SYNE1: variants seen among roughly 807,000 people sequenced by gnomAD.
SYNE1 encodes spectrin repeat containing nuclear envelope protein 1.
SYNE1 carries 616 observed loss-of-function variants against 1,111.0 expected under a neutral mutation model. The observed-to-expected ratio is 0.55, with a 90% CI of 0.52 to 0.59. SYNE1 has a LOEUF of 0.59. SYNE1 is among the 20% of genes least tolerant of loss of function. The pLI, the probability that SYNE1 is intolerant of heterozygous loss-of-function variation, is 0.00. For missense variants in SYNE1, 10,006 were observed against 10,417.0 expected, an observed-to-expected ratio of 0.96 and a Z score of 1.72; for synonymous variants, 3,855 against 3,825.8, an observed-to-expected ratio of 1.01 and a Z score of -0.28.
chr6:152,282,082 T>C, intron 96 of SYNE1, 102 bp from the exon 97 acceptor site: 1 of 1,255,518 alleles, frequency 8.0e-7, no homozygotes, highest in Non-Finnish European at 1.1e-6. Context: ...TACATAAGAA[T>C]CACTGGTAAA....
intron 119 of SYNE1, among the ~76,000 whole-genome samples, chr6:152,220,444 A>G (rs2079892962): frequency 6.6e-6 from 1 of 152,214 alleles, no homozygotes; most frequent in Non-Finnish European, 1.5e-5. Flanking sequence ...AGATGAAACT[A>G]TTGTGTAGAT....
chr6:152,138,864 G>A (rs570374115), intron 140 of SYNE1, among the ~76,000 whole-genome samples: 2 of 152,286 alleles, frequency 1.3e-5, no homozygotes, highest in African/African-American at 4.8e-5. Flanking sequence ...ATCTAGAGCT[G>A]GAGTTAAGGT....
chr6:152,519,966 AT>A (rs1471587904), intron 6 of SYNE1, among the ~76,000 whole-genome samples: 1 of 152,170 alleles, frequency 6.6e-6, no homozygotes, highest in Non-Finnish European at 1.5e-5. Context: ...ACGAGAAAAT[AT>A]CATACAAACT....
rs554984254 is a variant in SYNE1 at position 152,478,843 on chromosome 6, A to T, written c.1350+4242T>A. On this transcript the variant is annotated intron_variant, in intron 14 of 145. Coordinates refer to ENST00000367255, the MANE Select transcript of SYNE1 (RefSeq NM_182961.4). ...TTTTTTTCCAGCCACAGTCAGCTAC[A>T]TGTGTGTGGGCATGAACTAGGCAAA... Among the ~76,000 whole-genome samples, 4 of 152,192 alleles carry T rather than the reference A, an allele frequency of 2.6e-5. No individual in the cohort carries two copies. The East Asian group carries it at 7.7e-4, about 29-fold the overall frequency.
At chr6:152,169,729 GGCT>G (rs1194019559) in intron 130 of SYNE1, among the ~76,000 whole-genome samples, 1 of 151,148 alleles carries the variant, frequency 6.6e-6, no homozygotes, top group African/African-American at 2.4e-5. Flanking sequence ...GAGCCCAGGA[GGCT>G]GAGGCTGCAG....
rs1305129411 is a variant in SYNE1, at chr6:152,387,136, G to A, written c.8423C>T (p.Ser2808Phe). 2 of 1,614,162 alleles carry A rather than the reference G, an allele frequency of 1.2e-6. No individual in the cohort carries two copies. The highest frequency in any genetic ancestry group is 3.3e-5 in the Admixed American group (2 of 60,020). The change falls in exon 54 of 146, where the codon TCT becomes TTT. Residue 2808 changes from serine to phenylalanine, a missense_variant. Ser to Phe is a radical substitution (Grantham distance 155, BLOSUM62 -2). Transcript: ENST00000367255. The part of the protein sequence containing the change: ...RELYEKTEDE[S>F]FKDTAQEELK... ...CTCCTCTTGAGCTGTGTCCTTGAAAGACTCATCCTCTGTCTTTTCGTAGAG... is the reference window on the plus strand; with the variant it reads ...CTCCTCTTGAGCTGTGTCCTTGAAAAACTCATCCTCTGTCTTTTCGTAGAG...
At chr6:152,289,792 A>C (rs978847204) in intron 95 of SYNE1, among the ~76,000 whole-genome samples, 12 of 152,004 alleles carry the variant, frequency 7.9e-5, no homozygotes, top group African/African-American at 2.9e-4. Context: ...ATGCCTGGCT[A>C]AGTTTTTGTA....
At chr6:152,569,891 T>C (rs1304357419) in intron 3 of SYNE1, among the ~76,000 whole-genome samples, 1 of 152,212 alleles carries the variant, frequency 6.6e-6, no homozygotes, top group African/African-American at 2.4e-5. Context: ...CTTGAGGCCA[T>C]ACTTTCATAA....
rs2097135360 is a variant in SYNE1 at position 152,369,162 on chromosome 6, G to A, written c.9652-35C>T. ...ACAAGCAAGTTACTATTCAGAGGCT[G>A]GGGAAAAGCACATCGCGGACGAAGC... On this transcript the variant is annotated intron_variant, in intron 60 of 145. Transcript: ENST00000367255. 1.9e-6 allele frequency: 3 copies of A among 1,608,892 alleles called. No individual in the cohort carries two copies. The East Asian group carries it at 6.7e-5, about 36-fold the overall frequency.
intron 12 of SYNE1, among the ~76,000 whole-genome samples, chr6:152,486,554 G>A (rs1354645968): frequency 6.6e-6 from 1 of 152,120 alleles, no homozygotes; most frequent in Non-Finnish European, 1.5e-5. Flanking sequence ...GATAATTGGT[G>A]CCAAACCTAA....
chr6:152,296,701 C>T (rs557164915), intron 93 of SYNE1, among the ~76,000 whole-genome samples: 4 of 152,346 alleles, frequency 2.6e-5, no homozygotes, highest in Admixed American at 2.6e-4. Flanking sequence ...TTTAAAATCT[C>T]TCTTCATGAA....
chr6:152,344,226 A>C lies in SYNE1; in HGVS notation c.12080T>G (p.Met4027Arg), dbSNP rs1180822702. Residue 4027 changes from methionine (M) to arginine (R), a missense_variant and splice_region_variant, in exon 74 of 146, where the codon ATG becomes AGG. Physicochemically the swap from Met to Arg is moderately conservative, Grantham distance 91. Transcript: ENST00000367255. ...AAGTTCGTGTTCCAAACTCTGGTAC[A>C]TCTGAGACAATACAATCATGCTGAG... is the stretch of plus-strand genomic sequence containing the variant. ...YSAICSTAQR[M>R]YQSLEHELQK... 2 of 1,614,216 alleles carry C rather than the reference A, an allele frequency of 1.2e-6. No homozygotes were observed. Among genetic ancestry groups the C allele is most frequent in the Non-Finnish European group, 1.7e-6 (2 of 1,180,034 alleles).
intron 6 of SYNE1, among the ~76,000 whole-genome samples, chr6:152,519,415 C>T (rs186048121): frequency 6.6e-6 from 1 of 152,124 alleles, no homozygotes; most frequent in Admixed American, 6.6e-5. Context: ...TAAAAAGGTA[C>T]AGGTGCAAGC....
chr6:152,223,530 A>T (rs1345358004), intron 117 of SYNE1, among the ~76,000 whole-genome samples: 1 of 151,976 alleles, frequency 6.6e-6, no homozygotes, highest in Admixed American at 6.6e-5. Context: ...GAGGCAGAGA[A>T]TTGCTTAAAC....
intron 46 of SYNE1, among the ~76,000 whole-genome samples, chr6:152,403,834 A>C (rs2097854719): frequency 6.6e-6 from 1 of 152,174 alleles, no homozygotes; most frequent in Non-Finnish European, 1.5e-5. Flanking sequence ...TCCGAAATTC[A>C]GTAGGCAAAA....
At chr6:152,482,077 T>C (rs1216364121) in intron 14 of SYNE1, among the ~76,000 whole-genome samples, 1 of 152,086 alleles carries the variant, frequency 6.6e-6, no homozygotes, top group Non-Finnish European at 1.5e-5. Context: ...GGCAGGACCC[T>C]GAGTGATGGC....
intron 3 of SYNE1, among the ~76,000 whole-genome samples, chr6:152,545,058 C>T (rs942705031): frequency 6.6e-6 from 1 of 152,064 alleles, no homozygotes; most frequent in Non-Finnish European, 1.5e-5. Flanking sequence ...ATCCACTTAA[C>T]AGATGGTATG....
At chr6:152,381,558 G>T (rs767485277) in intron 55 of SYNE1, 196 bp from the exon 56 acceptor site, 2 of 622,476 alleles carry the variant, frequency 3.2e-6, no homozygotes, top group Non-Finnish European at 5.7e-6. Flanking sequence ...TAAGGCTTAT[G>T]GCAAAAAAAT....
At chr6:152,562,870 G>A (rs1057191638) in intron 3 of SYNE1, among the ~76,000 whole-genome samples, 3 of 152,066 alleles carry the variant, frequency 2.0e-5, no homozygotes, top group African/African-American at 7.2e-5. Context: ...ATAAATGCTG[G>A]TTTTAGGTTT....
Sources: allele counts gnomAD v4.1 joint callset (sites outside exome capture counted in the v4.1 genomes callset), GRCh38; gene constraint gnomAD v4.1.1; transcripts MANE v1.5; gene names NCBI Gene and HGNC (gene_info 2026-07-23, HGNC 2026-07-21).